The following RIPK1 variants were observed in gnomAD, a reference collection of about 807,000 sequenced individuals.
RIPK1 encodes receptor-interacting serine/threonine-protein kinase 1.
Under a neutral mutation model 62.4 loss-of-function variants are expected in RIPK1, and 27 were observed. The observed-to-expected ratio is 0.43, with a 90% CI of 0.32 to 0.60. The LOEUF (loss-of-function observed/expected upper bound fraction) is 0.60. Ranked by LOEUF, RIPK1 falls within the 20% of genes least tolerant of loss-of-function variation. The probability of loss-of-function intolerance (pLI) is 0.07; values close to 1 mark genes in which losing one functional copy is unlikely to be tolerated. For missense variants in RIPK1, 735 were observed against 831.0 expected, an observed-to-expected ratio of 0.88 and a Z score of 1.42; for synonymous variants, 287 against 303.2, an observed-to-expected ratio of 0.95 and a Z score of 0.55.
At chr6:3,109,485 C>T (rs1218809723) in intron 9 of RIPK1, among the ~76,000 whole-genome samples, 1 of 152,004 alleles carries the variant, frequency 6.6e-6, no homozygotes, top group African/African-American at 2.4e-5. Context: ...AATACTGAAC[C>T]TGAGAGGTTT....
At chr6:3,106,169 G>A in intron 9 of RIPK1, 118 bp downstream of exon 9, 1 of 779,166 alleles carries the variant, frequency 1.3e-6, no homozygotes, top group Non-Finnish European at 2.0e-6. Flanking sequence ...ATCATCAGCT[G>A]CCAGATGCAA....
chr6:3,077,903 A>G lies in RIPK1; in HGVS notation c.289A>G (p.Lys97Glu). 3 of 1,614,164 alleles carry G rather than the reference A, an allele frequency of 1.9e-6. No homozygotes were observed. The highest frequency in any genetic ancestry group is 1.7e-6 in the Non-Finnish European group (2 of 1,180,026). The change falls in exon 3 of 11, where the codon AAG becomes GAG. Residue 97 changes from lysine to glutamate, a missense_variant. Coordinates refer to ENST00000259808, the MANE Select transcript of RIPK1 (RefSeq NM_001354930.2). ...CTCCCTGGTGATGGAGTACATGGAG[A>G]AGGGCAACCTGATGCACGTGCTGAA... ...KYSLVMEYMEKGNLMHVLKAE... is the reference protein window; with the variant it reads ...KYSLVMEYMEEGNLMHVLKAE...
chr6:3,103,711 C>A (rs577699640), intron 7 of RIPK1, among the ~76,000 whole-genome samples: 3 of 152,152 alleles, frequency 2.0e-5, no homozygotes, highest in Non-Finnish European at 2.9e-5. Context: ...CTGCCAAGTC[C>A]AATGTCATGA....
chr6:3,072,499 A>G lies in RIPK1; in HGVS notation c.-61+3838A>G, dbSNP rs79442448. Among the ~76,000 whole-genome samples, 23 of 152,274 alleles carry G rather than the reference A, an allele frequency of 1.5e-4. No individual in the cohort carries two copies. In the East Asian group the frequency reaches 4.2e-3, roughly 28 times the overall value. ...AATATTCTGTTAGGAGTGTGCCGTAATTCATTTAACAATATTTTTATTTTT... is the reference window on the plus strand; with the variant it reads ...AATATTCTGTTAGGAGTGTGCCGTAGTTCATTTAACAATATTTTTATTTTT... On this transcript the variant is annotated intron_variant, in intron 1 of 10. Coordinates refer to ENST00000259808, the MANE Select transcript of RIPK1 (RefSeq NM_001354930.2). The surrounding 1 kb of genome is among the most constrained non-coding windows in gnomAD (Gnocchi z 5.6).
At chr6:3,095,799 TGAAAC>T (rs913101510) in intron 7 of RIPK1, among the ~76,000 whole-genome samples, 4 of 152,092 alleles carry the variant, frequency 2.6e-5, no homozygotes, top group South Asian at 2.1e-4. Context: ...TAAGGTATCT[TGAAAC>T]GAACAGAAGT....
At chr6:3,066,498 G>A (rs1758386282), upstream of RIPK1, among the ~76,000 whole-genome samples, 1 of 152,132 alleles carries the variant, frequency 6.6e-6, no homozygotes, top group Non-Finnish European at 1.5e-5. Context: ...GCTTTGCTGA[G>A]TGAATAGCTC....
intron 7 of RIPK1, among the ~76,000 whole-genome samples, chr6:3,095,921 T>G (rs1760266611): frequency 6.6e-6 from 1 of 151,856 alleles, no homozygotes; most frequent in African/African-American, 2.4e-5. Flanking sequence ...CACGGCTTAC[T>G]GTATCCTTGA....
At chr6:3,078,794 T>C (rs1370823265) in intron 3 of RIPK1, among the ~76,000 whole-genome samples, 1 of 152,234 alleles carries the variant, frequency 6.6e-6, no homozygotes, top group Non-Finnish European at 1.5e-5. Context: ...TTTTAAAAGC[T>C]TATGTGCCTG....
At chr6:3,102,805 A>T (rs1317245791) in intron 7 of RIPK1, among the ~76,000 whole-genome samples, 3 of 152,028 alleles carry the variant, frequency 2.0e-5, no homozygotes, top group Non-Finnish European at 4.4e-5. Context: ...TGGTTTCACC[A>T]TGTTGTCCAG....
intron 7 of RIPK1, among the ~76,000 whole-genome samples, chr6:3,101,190 C>T (rs1299364727): frequency 6.6e-6 from 1 of 152,092 alleles, no homozygotes; most frequent in African/African-American, 2.4e-5. Context: ...AGGTGGCAGG[C>T]TCTCTTGAGC....
Position 3,089,630 on chromosome 6 carries a change from T to G in RIPK1, c.888T>G (p.Ser296Arg), listed in dbSNP as rs113602774. 14 of 1,587,564 alleles carry G rather than the reference T, an allele frequency of 8.8e-6. No homozygotes were observed. Among genetic ancestry groups the G allele is most frequent in the Non-Finnish European group, 1.2e-5 (14 of 1,159,034 alleles). Residue 296 changes from serine (S) to arginine (R), a missense_variant, in exon 7 of 11, where the codon AGT (serine) becomes AGG (arginine). Physicochemically the swap from Ser to Arg is moderately radical, Grantham distance 110 (BLOSUM62 -1). Transcript: ENST00000259808. ...RPFYLSQLEE[S>R]VEEDVKSLKK... ...TTTATTTAAGTCAATTAGAAGAAAG[T>G]GTAGAAGAGGACGTGAAGAGTTTAA...
At chr6:3,080,586 G>A (rs1373898009) in intron 3 of RIPK1, among the ~76,000 whole-genome samples, 2 of 152,138 alleles carry the variant, frequency 1.3e-5, no homozygotes, top group Admixed American at 6.6e-5. Context: ...GTATGATGTC[G>A]TGTGAGTATC....
rs9503401 is a variant in RIPK1, at chr6:3,114,758, T to G, written c.*1419T>G. 4,354 of 152,274 alleles carry G rather than the reference T, an allele frequency of 0.029. 185 individuals carry two copies. Among genetic ancestry groups the G allele is most frequent in the African/African-American group, 0.096 (3,987 of 41,496 alleles). The allele number at this position is 152,274 out of a possible 1,614,324, so 9.4% of individuals were successfully genotyped here. ...AATTCTGTTGTGGGGACTGTCCTGT[T>G]CCTTGTAGGATGTTTAGTAGCATCC... is the stretch of plus-strand genomic sequence containing the variant. On this transcript the variant is annotated 3_prime_UTR_variant, in exon 11 of 11. Transcript: ENST00000259808. This position sits in a 1 kb window ranked among gnomAD's most constrained non-coding sequence, Gnocchi z 5.0.
At position 3,068,512 on chromosome 6, in the gene RIPK1, G is replaced by T; in HGVS notation, c.-210G>T. 1 of 985,274 alleles carries T rather than the reference G, an allele frequency of 1.0e-6. No homozygotes were observed. Among genetic ancestry groups the T allele is most frequent in the Non-Finnish European group, 1.2e-6 (1 of 829,836 alleles). The allele number at this position is 985,274 out of a possible 1,614,324, so 61.0% of individuals were successfully genotyped here. ...CGCGAACAGTCCACGCCCTCCAGCC[G>T]GGCGCGCTCGACGCGGACGGCGGGC... On this transcript the variant is annotated 5_prime_UTR_variant, in exon 1 of 11. Coordinates refer to ENST00000259808, the MANE Select transcript of RIPK1 (RefSeq NM_001354930.2).
In RIPK1 at chr6:3,110,791, C is replaced by G; in HGVS notation, c.1577-12C>G. The G allele has an allele frequency of 6.6e-7, 1 of 1,522,492 alleles. No individual in the cohort carries two copies. Among genetic ancestry groups the G allele is most frequent in the African/African-American group, 1.4e-5 (1 of 71,912 alleles). 94.3% of individuals were successfully genotyped at this position (1,522,492 alleles called of 1,614,324 possible). A position where few individuals can be genotyped will look rare whatever the true frequency, so the allele number is the denominator to read the frequency against. On this transcript the variant is annotated splice_polypyrimidine_tract_variant and intron_variant, in intron 9 of 10. Transcript: ENST00000259808. ...TCTAGAATTACTTACCTGTGTGTTT[C>G]TCTCTATGCAGATGAATCTATAAAA...
intron 1 of RIPK1, among the ~76,000 whole-genome samples, chr6:3,069,108 C>G (rs1332843386): frequency 6.6e-6 from 1 of 152,178 alleles, no homozygotes; most frequent in East Asian, 1.9e-4. Context: ...GCCTTTGGGC[C>G]GCGGTTACCG....
chr6:3,094,029 C>T (rs13206303), intron 7 of RIPK1, among the ~76,000 whole-genome samples: 13 of 127,280 alleles, frequency 1.0e-4, no homozygotes, highest in African/African-American at 3.5e-4. Context: ...GCCTACCTGC[C>T]GCACCTAGTA....
intron 6 of RIPK1, among the ~76,000 whole-genome samples, chr6:3,087,807 G>A (rs920407501): frequency 1.1e-3 from 161 of 152,110 alleles, no homozygotes; most frequent in Non-Finnish European, 2.0e-3. Context: ...CCAAAGTGTG[G>A]GATTACAGGT....
intron 10 of RIPK1, among the ~76,000 whole-genome samples, 164 bp downstream of exon 10, chr6:3,111,119 T>G (rs1252152997): frequency 6.6e-6 from 1 of 152,216 alleles, no homozygotes; most frequent in African/African-American, 2.4e-5. Context: ...CCTTTGTCAT[T>G]TATTTATTTT....
Sources: gnomAD v4.1 joint callset for allele counts (sites outside exome capture counted in the v4.1 genomes callset) on GRCh38, gnomAD v4.1.1 for gene constraint, Gnocchi (gnomAD v3.1) non-coding constraint, MANE v1.5 for transcripts, NCBI Gene and HGNC (gene_info 2026-07-23, HGNC 2026-07-21) for gene names.